AXDND1: variants seen among roughly 807,000 people sequenced by gnomAD.
AXDND1 encodes axonemal dynein light chain domain-containing protein 1.
Under a neutral mutation model 137.5 loss-of-function variants are expected in AXDND1, and 110 were observed. The ratio of observed to expected loss-of-function variants is 0.80; its 90% CI spans 0.69 to 0.94. AXDND1 has a LOEUF of 0.94. Among genes scored for constraint, AXDND1 ranks in the 40% least tolerant of loss-of-function variants. AXDND1 has a pLI of 0.00. For synonymous variants in AXDND1, 414 were observed against 399.7 expected (o/e 1.04, Z -0.43); for missense variants, 1,191 against 1,169.8 (o/e 1.02, Z -0.26).
At chr1:179,431,664 C>A (rs1657405729) in intron 14 of AXDND1, among the ~76,000 whole-genome samples, 1 of 151,666 alleles carries the variant, frequency 6.6e-6, no homozygotes, top group African/African-American at 2.4e-5. Flanking sequence ...TTAAAGGTTT[C>A]CCCATTAGTA....
At chr1:179,491,061 C>T (rs182502643) in intron 18 of AXDND1, among the ~76,000 whole-genome samples, 3 of 152,256 alleles carry the variant, frequency 2.0e-5, no homozygotes, top group African/African-American at 7.2e-5. Context: ...GTGTGGTTCA[C>T]GCCTGTAATC....
At chr1:179,486,139 A>AAAAAAAAACAGAAAACT (rs149119239) in intron 18 of AXDND1, among the ~76,000 whole-genome samples, 3 of 87,806 alleles carry the variant, frequency 3.4e-5, no homozygotes, top group Non-Finnish European at 6.9e-5. Flanking sequence ...AAAAAAAAAA[A>AAAAAAAAACAGAAAACT]AACCTGATAG....
chr1:179,551,551 A>T lies in AXDND1; in HGVS notation c.3032-2961A>T, dbSNP rs578218811. ...AGCAGACAAGCACTGAGCATCTACTATGTGGCAAGCACGGTTAAGCATAGA... is the reference window on the plus strand; with the variant it reads ...AGCAGACAAGCACTGAGCATCTACTTTGTGGCAAGCACGGTTAAGCATAGA... On this transcript the variant is annotated intron_variant, in intron 25 of 25. Coordinates refer to ENST00000367618, the MANE Select transcript of AXDND1 (RefSeq NM_144696.6). 10 of 1,376,080 alleles carry T rather than the reference A, an allele frequency of 7.3e-6. No homozygotes were observed. The East Asian group carries it at 2.3e-4, about 32-fold the overall frequency. The allele number at this position is 1,376,080 out of a possible 1,614,324, so 85.2% of individuals were successfully genotyped here.
intron 16 of AXDND1, chr1:179,456,060 C>T (rs530175246): frequency 2.0e-5 from 9 of 454,920 alleles, no homozygotes; most frequent in Admixed American, 1.3e-4. Context: ...TAACAGTCCT[C>T]GAGTTTTTTG....
chr1:179,526,173 G>A (rs1670512360), intron 22 of AXDND1, among the ~76,000 whole-genome samples: 1 of 151,652 alleles, frequency 6.6e-6, no homozygotes, highest in Non-Finnish European at 1.5e-5. Flanking sequence ...CTCCTCCCAG[G>A]CCCATCACCA....
intron 2 of AXDND1, among the ~76,000 whole-genome samples, chr1:179,368,186 C>T (rs1379475527): frequency 6.6e-6 from 1 of 152,150 alleles, no homozygotes; most frequent in Non-Finnish European, 1.5e-5. Context: ...TCCCAACTAC[C>T]TGCCTTTATT....
At chr1:179,466,727 C>T (rs1445078108) in intron 16 of AXDND1, among the ~76,000 whole-genome samples, 1 of 152,014 alleles carries the variant, frequency 6.6e-6, no homozygotes, top group East Asian at 1.9e-4. Context: ...CCATTCTTTT[C>T]ATATTTCTGT....
At chr1:179,542,705 T>C (rs1672279581) in intron 25 of AXDND1, among the ~76,000 whole-genome samples, 1 of 152,228 alleles carries the variant, frequency 6.6e-6, no homozygotes, top group Admixed American at 6.5e-5. Context: ...TTTAGTTTTG[T>C]CCATTCCCAC....
intron 21 of AXDND1, among the ~76,000 whole-genome samples, chr1:179,517,177 C>T (rs754546443): frequency 1.3e-5 from 2 of 152,088 alleles, no homozygotes; most frequent in Admixed American, 6.5e-5. Flanking sequence ...AGTTATGTAC[C>T]TAGGAGGATT....
intron 15 of AXDND1, among the ~76,000 whole-genome samples, chr1:179,434,819 A>G (rs1435695979): frequency 6.6e-6 from 1 of 152,168 alleles, no homozygotes; most frequent in Non-Finnish European, 1.5e-5. Flanking sequence ...CCTATTCAAC[A>G]TAGTATTGGA....
At chr1:179,398,975 C>G (rs1651515017) in intron 11 of AXDND1, among the ~76,000 whole-genome samples, 1 of 152,136 alleles carries the variant, frequency 6.6e-6, no homozygotes. Flanking sequence ...CAAAACATGC[C>G]TGCACACACA....
intron 20 of AXDND1, among the ~76,000 whole-genome samples, chr1:179,498,787 CAAA>C (rs1667710327): frequency 6.6e-6 from 1 of 151,940 alleles, no homozygotes; most frequent in Non-Finnish European, 1.5e-5. Context: ...AGATATTTCT[CAAA>C]AGAAGATACA....
At chr1:179,428,766 A>G (rs1410655374) in intron 12 of AXDND1, among the ~76,000 whole-genome samples, 1 of 152,276 alleles carries the variant, frequency 6.6e-6, no homozygotes, top group Admixed American at 6.5e-5. Context: ...GTAAAAATGT[A>G]AAACAATAGC....
chr1:179,457,093 T>G (rs1661513877), intron 16 of AXDND1: 1 of 1,315,522 alleles, frequency 7.6e-7, no homozygotes, highest in Admixed American at 1.7e-5. Context: ...CCACAACTCT[T>G]CCATCCACCT....
chr1:179,478,311 C>T (rs1348500180), intron 17 of AXDND1, among the ~76,000 whole-genome samples: 1 of 152,252 alleles, frequency 6.6e-6, no homozygotes, highest in Non-Finnish European at 1.5e-5. Flanking sequence ...AGACGTTCTC[C>T]ATTAGCACCC....
At chr1:179,554,489 C>A (rs1673787968) in intron 25 of AXDND1, 23 bp from the exon 26 acceptor site, 1 of 1,614,016 alleles carries the variant, frequency 6.2e-7, no homozygotes, top group African/African-American at 1.3e-5. Flanking sequence ...TCTATTCTCT[C>A]CACTTTGATT....
At chr1:179,410,624 G>T (rs1653727503) in intron 11 of AXDND1, among the ~76,000 whole-genome samples, 1 of 152,170 alleles carries the variant, frequency 6.6e-6, no homozygotes, top group South Asian at 2.1e-4. Flanking sequence ...AGAAAAAGCT[G>T]CTTTATTTAA....
chr1:179,476,886 T>TCAC (rs1664703986), intron 17 of AXDND1, among the ~76,000 whole-genome samples: 2 of 152,208 alleles, frequency 1.3e-5, no homozygotes, highest in Admixed American at 6.5e-5. Flanking sequence ...AATGTGTTAT[T>TCAC]GTTTTTCAAT....
chr1:179,428,230 A>G (rs1656861327), intron 12 of AXDND1, among the ~76,000 whole-genome samples: 1 of 152,230 alleles, frequency 6.6e-6, no homozygotes, highest in Non-Finnish European at 1.5e-5. Flanking sequence ...TGAGCTAGAC[A>G]TGTTCAGTGG....
Sources: allele counts gnomAD v4.1 joint callset (sites outside exome capture counted in the v4.1 genomes callset), GRCh38; gene constraint gnomAD v4.1.1; transcripts MANE v1.5; gene names NCBI Gene and HGNC (gene_info 2026-07-23, HGNC 2026-07-21).